Variants in ITGA1 observed in about 807,000 individuals in gnomAD.
ITGA1 encodes the protein integrin subunit alpha 1, also known as integrin alpha-1.
A neutral mutation model predicts 145.9 loss-of-function variants in ITGA1; 85 were observed. The ratio of observed to expected loss-of-function variants is 0.58; its 90% CI spans 0.49 to 0.70. The LOEUF (loss-of-function observed/expected upper bound fraction) is 0.70, where lower values mean the gene tolerates loss of function less well. Among genes scored for constraint, ITGA1 ranks in the 30% least tolerant of loss-of-function variants. The pLI is 0.00. For synonymous variants in ITGA1, 520 were observed against 495.3 expected, an observed-to-expected ratio of 1.05 and a Z score of -0.66; for missense variants, 1,351 against 1,418.7, an observed-to-expected ratio of 0.95 and a Z score of 0.77.
intron 1 of ITGA1, among the ~76,000 whole-genome samples, chr5:52,815,661 A>G (rs932860388): frequency 1.3e-5 from 2 of 152,150 alleles, no homozygotes; most frequent in Admixed American, 1.3e-4. Context: ...TGTTTGGAAA[A>G]CACTGGTCTA....
In ITGA1 at chr5:52,939,548, A is replaced by T. The variant is rs530633472; in HGVS notation, c.3079-42A>T. 4.2e-5 allele frequency: 55 copies of T among 1,312,318 alleles called. No homozygotes were observed. The East Asian group carries it at 1.2e-3, about 28-fold the overall frequency. 81.3% of individuals were successfully genotyped at this position (1,312,318 alleles called of 1,614,324 possible). On this transcript the variant is annotated intron_variant, in intron 24 of 28. Transcript: ENST00000282588. ...TGCAGCAAGTCATGTTTTTCCTCTGATATCTGGCATTGTCTGATAAATGTA... is the reference window on the plus strand; with the variant it reads ...TGCAGCAAGTCATGTTTTTCCTCTGTTATCTGGCATTGTCTGATAAATGTA...
chr5:52,937,006 C>T (rs1363127311), intron 23 of ITGA1, among the ~76,000 whole-genome samples: 1 of 150,424 alleles, frequency 6.6e-6, no homozygotes, highest in African/African-American at 2.5e-5. Flanking sequence ...CTAAATTGTT[C>T]CGTGGTCTCC....
intron 10 of ITGA1, 73 bp downstream of exon 10, chr5:52,897,601 A>C: frequency 9.1e-7 from 1 of 1,100,518 alleles, no homozygotes; most frequent in East Asian, 2.4e-5. Context: ...ACATCTAGCC[A>C]TCAGTATGTA....
intron 9 of ITGA1, among the ~76,000 whole-genome samples, chr5:52,894,938 CT>C (rs1344858294): frequency 1.3e-5 from 2 of 152,022 alleles, no homozygotes; most frequent in Admixed American, 6.6e-5. Context: ...GGCTTTCAAA[CT>C]TTTTTTGAGT....
chr5:52,845,120 T>C (rs73102261), intron 1 of ITGA1, among the ~76,000 whole-genome samples: 1,946 of 152,000 alleles, frequency 0.013, 42 homozygotes, highest in African/African-American at 0.044. Context: ...CCACACAACA[T>C]GTAGAATAAA....
chr5:52,942,532 G>GTTT (rs34805605), intron 26 of ITGA1, among the ~76,000 whole-genome samples: 8 of 133,406 alleles, frequency 6.0e-5, no homozygotes, highest in Admixed American at 1.5e-4. Flanking sequence ...TGTAAATGGA[G>GTTT]TTTTTTTTTT....
chr5:52,819,357 T>C (rs1580046399), intron 1 of ITGA1, among the ~76,000 whole-genome samples: 2 of 152,334 alleles, frequency 1.3e-5, no homozygotes, highest in East Asian at 3.9e-4. Context: ...TGTCAGATGG[T>C]ATCTCATTGT....
intron 1 of ITGA1, among the ~76,000 whole-genome samples, chr5:52,812,561 G>A (rs1457514148): frequency 6.6e-6 from 1 of 152,152 alleles, no homozygotes; most frequent in Non-Finnish European, 1.5e-5. Flanking sequence ...AAGGACATTA[G>A]CTCTGGACTA....
chr5:52,945,068 C>T (rs757464649), intron 27 of ITGA1, 33 bp downstream of exon 27: 7 of 1,445,216 alleles, frequency 4.8e-6, no homozygotes, highest in Non-Finnish European at 6.8e-6. Flanking sequence ...AAACATTATG[C>T]ATTTCACTCT....
intron 3 of ITGA1, among the ~76,000 whole-genome samples, 166 bp downstream of exon 3, chr5:52,861,725 C>A (rs368570165): frequency 2.8e-4 from 42 of 151,894 alleles, no homozygotes; most frequent in African/African-American, 9.7e-4. Flanking sequence ...ACAAAAATAG[C>A]TGGATGGGGT....
intron 1 of ITGA1, among the ~76,000 whole-genome samples, chr5:52,820,108 A>C (rs1364316221): frequency 1.3e-5 from 2 of 151,996 alleles, no homozygotes; most frequent in African/African-American, 4.8e-5. Context: ...CTTTTGGCTT[A>C]GGATTGACTT....
In ITGA1 at chr5:52,807,778, A is replaced by G. The variant is rs547683802; in HGVS notation, c.61+19364A>G. Among the ~76,000 whole-genome samples, 21 of 152,330 alleles carry G rather than the reference A, an allele frequency of 1.4e-4. 1 individual carries two copies. In the East Asian group the frequency reaches 3.9e-3, roughly 28 times the overall value. ...TATTAAAGCAATCCCCTCAAGCACT[A>G]TCCAGCATTCATTTATTGTTATTTC... On this transcript the variant is annotated intron_variant, in intron 1 of 28. Transcript: ENST00000282588.
At chr5:52,881,220 T>A (rs570435743) in intron 6 of ITGA1, among the ~76,000 whole-genome samples, 2 of 152,342 alleles carry the variant, frequency 1.3e-5, no homozygotes, top group South Asian at 4.1e-4. Flanking sequence ...ATAACCTGAT[T>A]ATTCCTCCAG....
intron 19 of ITGA1, among the ~76,000 whole-genome samples, chr5:52,926,427 C>A (rs181128059): frequency 6.6e-6 from 1 of 151,886 alleles, no homozygotes. Flanking sequence ...ACGGTGAAAC[C>A]CCCTCTCTAC....
intron 27 of ITGA1, 127 bp downstream of exon 27, chr5:52,945,162 T>C (rs904206424): frequency 1.5e-6 from 1 of 666,706 alleles, no homozygotes; most frequent in Admixed American, 2.4e-5. Flanking sequence ...ACAGACACTA[T>C]TTGCTTCAAA....
At chr5:52,888,059 T>C in intron 8 of ITGA1, 94 bp downstream of exon 8, 6 of 1,320,798 alleles carry the variant, frequency 4.5e-6, no homozygotes, top group Non-Finnish European at 5.2e-6. Flanking sequence ...ACAAACCAGG[T>C]TGGAAAAGAG....
At chr5:52,836,206 C>A (rs781623362) in intron 1 of ITGA1, among the ~76,000 whole-genome samples, 1 of 152,148 alleles carries the variant, frequency 6.6e-6, no homozygotes, top group Non-Finnish European at 1.5e-5. Flanking sequence ...CCTGGAGCAG[C>A]ACATGTGTCT....
At chr5:52,879,502 A>G (rs888415990) in intron 6 of ITGA1, among the ~76,000 whole-genome samples, 1 of 152,242 alleles carries the variant, frequency 6.6e-6, no homozygotes, top group Non-Finnish European at 1.5e-5. Flanking sequence ...GTATCCATGG[A>G]TATGTCCCTT....
intron 14 of ITGA1, among the ~76,000 whole-genome samples, chr5:52,911,916 T>C (rs1488528274): frequency 7.3e-6 from 1 of 136,566 alleles, no homozygotes; most frequent in Non-Finnish European, 1.5e-5. Context: ...GATATATATA[T>C]TATATATATA....
Sources: allele counts gnomAD v4.1 joint callset (sites outside exome capture counted in the v4.1 genomes callset), GRCh38; gene constraint gnomAD v4.1.1; transcripts MANE v1.5; gene names NCBI Gene and HGNC (gene_info 2026-07-23, HGNC 2026-07-21).